The following PSTPIP1 variants were observed in gnomAD, a reference collection of about 807,000 sequenced individuals.
PSTPIP1 encodes the protein proline-serine-threonine phosphatase interacting protein 1, also known as proline-serine-threonine phosphatase-interacting protein 1.
Under a neutral mutation model 69.6 loss-of-function variants are expected in PSTPIP1, and 66 were observed. That is an observed-to-expected ratio of 0.95 (90% confidence interval 0.78 to 1.16). The LOEUF (loss-of-function observed/expected upper bound fraction) is 1.16, where lower values mean the gene tolerates loss of function less well. PSTPIP1 is among the 50% of genes most tolerant of loss of function. The pLI is 0.00. For synonymous variants in PSTPIP1, 266 were observed against 222.7 expected (o/e 1.19, Z -1.73); for missense variants, 603 against 557.4 (o/e 1.08, Z -0.82).
In PSTPIP1 at chr15:77,027,621, A is replaced by C; in HGVS notation, c.355-231A>C. ...CCAGCTGGAGACGAAGCTCTGGCCA[A>C]GGTCTGCAGCAAGGACCTCACGGCA... is the stretch of plus-strand genomic sequence containing the variant. On this transcript the variant is annotated intron_variant, in intron 5 of 14. Coordinates refer to ENST00000558012, the MANE Select transcript of PSTPIP1 (RefSeq NM_003978.5). This position sits in a 1 kb window ranked among gnomAD's most constrained non-coding sequence, Gnocchi z 4.3. 1 of 565,406 alleles carries C rather than the reference A, an allele frequency of 1.8e-6. No individual in the cohort carries two copies. The highest frequency in any genetic ancestry group is 2.7e-4 in the Middle Eastern group (1 of 3,666). The allele number at this position is 565,406 out of a possible 1,614,324, so 35.0% of individuals were successfully genotyped here.
intron 1 of PSTPIP1, among the ~76,000 whole-genome samples, chr15:77,010,175 G>A (rs1298814594): frequency 6.6e-6 from 1 of 152,172 alleles, no homozygotes; most frequent in Non-Finnish European, 1.5e-5. Flanking sequence ...CTGGATCCTA[G>A]TGAGCCTCCA....
chr15:76,995,088 G>A (rs1234176432), upstream of PSTPIP1: 4 of 1,177,614 alleles, frequency 3.4e-6, no homozygotes, highest in African/African-American at 6.4e-5. Flanking sequence ...CACTTCCTGT[G>A]GGCGAGGGCC....
chr15:77,001,202 G>T (rs916207653), intron 1 of PSTPIP1, among the ~76,000 whole-genome samples: 1 of 152,164 alleles, frequency 6.6e-6, no homozygotes, highest in Non-Finnish European at 1.5e-5. Flanking sequence ...TGACTATAAA[G>T]GTTTTTCACT....
At position 77,023,389 on chromosome 15, in the gene PSTPIP1, C is replaced by T. The variant is rs143659491; in HGVS notation, c.213-1895C>T. Among the ~76,000 whole-genome samples, 87 of 152,274 alleles carry T rather than the reference C, an allele frequency of 5.7e-4. 1 individual carries two copies. In the East Asian group the frequency reaches 6.4e-3, roughly 11 times the overall value. The stretch of plus-strand genomic sequence containing the variant: ...GATGGAGCCTGGCACCTGGAAGCAA[C>T]GGGCGGAGGGGCAGAGAGCAGGGCT... On this transcript the variant is annotated intron_variant, in intron 3 of 14. Transcript: ENST00000558012.
In PSTPIP1 at chr15:77,008,106, A is replaced by T; in HGVS notation, c.37-10042A>T. On this transcript the variant is annotated intron_variant, in intron 1 of 14. Transcript: ENST00000558012. The stretch of plus-strand genomic sequence containing the variant: ...GGTGGAGGGCGGGAGATCAGCACAG[A>T]AGTCTGGATCAGTGTCCCTGGAGCT... 3 of 454,980 alleles carry T rather than the reference A, an allele frequency of 6.6e-6. 1 individual carries two copies. Among genetic ancestry groups the T allele is most frequent in the South Asian group, 4.7e-5 (3 of 64,346 alleles). 28.2% of individuals were successfully genotyped at this position (454,980 alleles called of 1,614,324 possible).
Position 77,015,811 on chromosome 15 carries a change from A to T in PSTPIP1, c.37-2337A>T, listed in dbSNP as rs116992402. The stretch of plus-strand genomic sequence containing the variant: ...GTGAGCAGCCCCTGGAGAGTCAGGC[A>T]CTTCCTCGGAACATCCCAGTCCTTG... On this transcript the variant is annotated intron_variant, in intron 1 of 14. Transcript: ENST00000558012. 1.4e-4 allele frequency: 59 copies of T among 411,148 alleles called. 1 individual carries two copies. The East Asian group carries it at 4.0e-3, about 28-fold the overall frequency. 25.5% of individuals were successfully genotyped at this position (411,148 alleles called of 1,614,324 possible).
intron 3 of PSTPIP1, among the ~76,000 whole-genome samples, chr15:77,024,916 G>A (rs772415441): frequency 6.6e-6 from 1 of 152,136 alleles, no homozygotes; most frequent in Non-Finnish European, 1.5e-5. Flanking sequence ...GGTACCTGCC[G>A]AGGAGAGAGG....
intron 3 of PSTPIP1, 80 bp from the exon 4 acceptor site, chr15:77,025,204 C>A (rs2076250630): frequency 2.7e-6 from 4 of 1,476,168 alleles, no homozygotes; most frequent in Non-Finnish European, 2.8e-6. Flanking sequence ...TCCCCACTGC[C>A]CACCCCGCCG....
At chr15:77,004,504 T>G (rs144789153) in intron 1 of PSTPIP1, among the ~76,000 whole-genome samples, 3 of 152,222 alleles carry the variant, frequency 2.0e-5, no homozygotes, top group Non-Finnish European at 2.9e-5. Context: ...GGCAAGAGCA[T>G]GCCTGCGTGG....
intron 3 of PSTPIP1, among the ~76,000 whole-genome samples, chr15:77,024,750 C>G (rs895556679): frequency 3.3e-5 from 5 of 151,792 alleles, no homozygotes; most frequent in African/African-American, 1.2e-4. Flanking sequence ...CCCTCCCTCC[C>G]TCCCTGGCAG....
chr15:76,999,220 A>C (rs1378176881), intron 1 of PSTPIP1, among the ~76,000 whole-genome samples: 1 of 152,002 alleles, frequency 6.6e-6, no homozygotes, highest in African/African-American at 2.4e-5. Context: ...GAATAAATGA[A>C]TGGACAGTGA....
intron 10 of PSTPIP1, 130 bp from the exon 11 acceptor site, chr15:77,032,168 G>T: frequency 1.2e-6 from 1 of 850,506 alleles, no homozygotes; most frequent in Non-Finnish European, 1.8e-6. Flanking sequence ...GACCCCTCAG[G>T]ATCAAAGACC....
rs374371227 is a variant in PSTPIP1 at position 77,036,471 on chromosome 15, C to G, written c.1119+536C>G. On this transcript the variant is annotated intron_variant, in intron 14 of 14. Transcript: ENST00000558012. ...TGATGTCCATAGGGTGAGGATGAACCAAGGCAGCCACAGGGCAGCTATGAG... is the reference window on the plus strand; with the variant it reads ...TGATGTCCATAGGGTGAGGATGAACGAAGGCAGCCACAGGGCAGCTATGAG... 2.8e-4 allele frequency among the ~76,000 whole-genome samples: 43 copies of G among 152,266 alleles called. 1 individual carries two copies. Among genetic ancestry groups the G allele is most frequent in the African/African-American group, 9.6e-4 (40 of 41,548 alleles).
intron 1 of PSTPIP1, among the ~76,000 whole-genome samples, chr15:77,010,304 C>T (rs945367791): frequency 1.4e-4 from 21 of 152,328 alleles, no homozygotes; most frequent in African/African-American, 3.8e-4. Context: ...ACTAACTTGA[C>T]GGGGTTCCCT....
intron 1 of PSTPIP1, chr15:76,999,412 G>A (rs1450807628): frequency 6.6e-6 from 1 of 151,990 alleles, no homozygotes; most frequent in Non-Finnish European, 1.5e-5. Context: ...CCGAGTAGCT[G>A]GGATTACAGA....
chr15:77,018,151 A>T lies in PSTPIP1; in HGVS notation c.40A>T (p.Arg14Trp). ...GTCCTTCTGTCCTGTGTCACAGTGC[A>T]GGGACTTCACAGCCCACACGGGCTA... ...QLQFKDAFWC[R>W]DFTAHTGYEV... Residue 14 changes from arginine (R) to tryptophan (W), a missense_variant, in exon 2 of 15, where the codon AGG (arginine) becomes TGG (tryptophan). Transcript: ENST00000558012. 6.3e-7 allele frequency: 1 copy of T among 1,577,510 alleles called. No individual in the cohort carries two copies. Among genetic ancestry groups the T allele is most frequent in the South Asian group, 1.2e-5 (1 of 85,758 alleles).
chr15:77,034,676 C>A (rs987285847), intron 12 of PSTPIP1, among the ~76,000 whole-genome samples: 1 of 152,168 alleles, frequency 6.6e-6, no homozygotes, highest in African/African-American at 2.4e-5. Flanking sequence ...GTGCCTCGCT[C>A]CCCCTTCTCT....
rs139362350 is a variant in PSTPIP1, at chr15:77,031,194, A to G, written c.657A>G (p.Gln219=). ...HRTTCEAFQL[Q]EFDRLTILRN... Reference sequence around the variant, plus strand: ...ACTGCCCCCAGGCCTTTCAGCTGCAAGAGTTTGACCGGCTGACCATTCTCC... The same window carrying G: ...ACTGCCCCCAGGCCTTTCAGCTGCAGGAGTTTGACCGGCTGACCATTCTCC... Residue 219 remains glutamine, a synonymous_variant, in exon 10 of 15, where the codon CAA becomes CAG. Transcript: ENST00000558012. 166 of 1,612,584 alleles carry G rather than the reference A, an allele frequency of 1.0e-4. No homozygotes were observed. Among genetic ancestry groups the G allele is most frequent in the Non-Finnish European group, 1.3e-4 (157 of 1,179,550 alleles).
At position 77,027,866 on chromosome 15, in the gene PSTPIP1, G is replaced by GGACC. The variant is rs1189454418; in HGVS notation, c.371_374dup (p.Val126ProfsTer38). 1 of 1,569,094 alleles carries GGACC rather than the reference G, an allele frequency of 6.4e-7. No homozygotes were observed. The highest frequency in any genetic ancestry group is 8.6e-7 in the Non-Finnish European group (1 of 1,157,890). On this transcript the variant is annotated frameshift_variant, in exon 6 of 15. Transcript: ENST00000558012. LOFTEE classifies it high-confidence loss of function. The surrounding 1 kb of genome is among the most constrained non-coding windows in gnomAD (Gnocchi z 4.3). ...GTCCCCTGCAGTATGAGGCCGTCAT[G>GGACC]GACCGGGTCCAGAAGAGCAAGCTGT...
Sources: gnomAD v4.1 joint callset for allele counts (sites outside exome capture counted in the v4.1 genomes callset) on GRCh38, gnomAD v4.1.1 for gene constraint, Gnocchi (gnomAD v3.1) non-coding constraint, MANE v1.5 for transcripts, NCBI Gene and HGNC (gene_info 2026-07-23, HGNC 2026-07-21) for gene names.